SEMA5A: variants seen among roughly 807,000 people sequenced by gnomAD.
The protein encoded by SEMA5A is semaphorin 5A.
SEMA5A carries 55 observed loss-of-function variants against 135.5 expected under a neutral mutation model. The ratio of observed to expected loss-of-function variants is 0.41; its 90% CI spans 0.33 to 0.51. The LOEUF (loss-of-function observed/expected upper bound fraction) is 0.51. SEMA5A is among the 20% of genes least tolerant of loss of function. SEMA5A has a pLI of 0.37. For missense variants in SEMA5A, 1,290 were observed against 1,419.9 expected, an observed-to-expected ratio of 0.91 and a Z score of 1.47; for synonymous variants, 580 against 546.5, an observed-to-expected ratio of 1.06 and a Z score of -0.85.
intron 1 of SEMA5A, among the ~76,000 whole-genome samples, chr5:9,511,056 A>G (rs1423440973): frequency 6.6e-6 from 1 of 152,200 alleles, no homozygotes; most frequent in Admixed American, 6.5e-5. Context: ...TATCTAGTGT[A>G]CCAGAAATTT....
intron 5 of SEMA5A, among the ~76,000 whole-genome samples, chr5:9,300,871 G>A (rs7732339): frequency 0.044 from 6,630 of 152,272 alleles, 164 homozygotes; most frequent in Admixed American, 0.052. Flanking sequence ...TGGAAAAGGC[G>A]ATGAAGCTTT....
chr5:9,444,624 A>G, intron 1 of SEMA5A, among the ~76,000 whole-genome samples: 1 of 152,148 alleles, frequency 6.6e-6, no homozygotes, highest in East Asian at 1.9e-4. Context: ...ACATTTTTGC[A>G]ATTGCGAACT....
intron 3 of SEMA5A, among the ~76,000 whole-genome samples, chr5:9,357,979 A>G (rs1301279898): frequency 2.6e-5 from 4 of 152,200 alleles, no homozygotes; most frequent in African/African-American, 7.2e-5. Context: ...CAACTAAGAA[A>G]CAGGGATTGT....
chr5:9,275,557 C>T (rs756075114), intron 5 of SEMA5A, among the ~76,000 whole-genome samples: 2 of 152,132 alleles, frequency 1.3e-5, no homozygotes, highest in African/African-American at 4.8e-5. Context: ...GCCAATATCC[C>T]TGATGATCAT....
At chr5:9,108,914 G>C (rs1366415144) in intron 15 of SEMA5A, among the ~76,000 whole-genome samples, 1 of 149,950 alleles carries the variant, frequency 6.7e-6, no homozygotes, top group Non-Finnish European at 1.5e-5. Flanking sequence ...ACAAATATTA[G>C]TTCTATTTTT....
chr5:9,369,687 C>T (rs1034896532), intron 3 of SEMA5A, among the ~76,000 whole-genome samples: 2 of 151,878 alleles, frequency 1.3e-5, no homozygotes, highest in African/African-American at 4.8e-5. Context: ...TCTCTGCTTT[C>T]TGTTCATTGC....
intron 15 of SEMA5A, among the ~76,000 whole-genome samples, chr5:9,113,834 T>A (rs1740371994): frequency 6.6e-6 from 1 of 152,196 alleles, no homozygotes; most frequent in Non-Finnish European, 1.5e-5. Context: ...GGAACTCTCA[T>A]GCGTTGCTGT....
chr5:9,353,270 GA>G (rs1754269828), intron 3 of SEMA5A, among the ~76,000 whole-genome samples: 2 of 142,134 alleles, frequency 1.4e-5, no homozygotes, highest in Admixed American at 7.1e-5. Flanking sequence ...GGAAGCAAAG[GA>G]AAGGAAAGGA....
chr5:9,123,992 G>A (rs781318451), intron 13 of SEMA5A, among the ~76,000 whole-genome samples: 48 of 152,168 alleles, frequency 3.2e-4, no homozygotes, highest in Non-Finnish European at 6.2e-4. Flanking sequence ...AAAGAGCCAA[G>A]TAGAGGGGCT....
intron 9 of SEMA5A, among the ~76,000 whole-genome samples, chr5:9,200,299 C>A (rs1652373890): frequency 1.3e-5 from 2 of 152,192 alleles, no homozygotes; most frequent in African/African-American, 4.8e-5. Context: ...TTGCAACTAT[C>A]TAAATTGACC....
At chr5:9,158,508 A>T (rs1202899194) in intron 11 of SEMA5A, among the ~76,000 whole-genome samples, 1 of 35,862 alleles carries the variant, frequency 2.8e-5, no homozygotes, top group East Asian at 4.3e-4. Context: ...AACAAGTAAA[A>T]AAAAAAAAAA....
chr5:9,084,069 A>T (rs1026417123), intron 16 of SEMA5A, among the ~76,000 whole-genome samples: 4 of 152,230 alleles, frequency 2.6e-5, no homozygotes, highest in African/African-American at 7.2e-5. Context: ...AGCCCCTTTA[A>T]TAAAAGTTGA....
chr5:9,327,394 AT>A (rs1204163872), intron 4 of SEMA5A, among the ~76,000 whole-genome samples: 5 of 152,176 alleles, frequency 3.3e-5, no homozygotes, highest in Admixed American at 1.3e-4. Context: ...TTCTCCCAGA[AT>A]CATATTAACT....
At chr5:9,426,278 A>G (rs1757644654) in intron 2 of SEMA5A, among the ~76,000 whole-genome samples, 1 of 151,828 alleles carries the variant, frequency 6.6e-6, no homozygotes, top group Admixed American at 6.6e-5. Flanking sequence ...ACAAAAAATT[A>G]GCCTGGCGCG....
chr5:9,181,441 C>G (rs917457401), intron 11 of SEMA5A, among the ~76,000 whole-genome samples: 1 of 152,166 alleles, frequency 6.6e-6, no homozygotes, highest in Non-Finnish European at 1.5e-5. Flanking sequence ...AGAAACTATT[C>G]TGTTGTTGCC....
chr5:9,187,190 GGACATAAA>G (rs1297632388), intron 11 of SEMA5A, among the ~76,000 whole-genome samples: 3 of 151,342 alleles, frequency 2.0e-5, no homozygotes, highest in African/African-American at 7.3e-5. Context: ...TCAATTCCTT[GGACATAAA>G]GACTGTATGT....
intron 11 of SEMA5A, among the ~76,000 whole-genome samples, chr5:9,155,173 G>A (rs2285971): frequency 4.6e-5 from 7 of 152,174 alleles, no homozygotes; most frequent in East Asian, 1.9e-4. Context: ...TTCCTGCCAC[G>A]AGAAGTACAC....
At chr5:9,538,136 G>C (rs2126372619) in intron 1 of SEMA5A, among the ~76,000 whole-genome samples, 1 of 152,324 alleles carries the variant, frequency 6.6e-6, no homozygotes, top group East Asian at 1.9e-4. Flanking sequence ...AACAGTGGAA[G>C]AGCAAGGAAA....
At chr5:9,419,349 T>C (rs1028236796) in intron 2 of SEMA5A, among the ~76,000 whole-genome samples, 2 of 152,130 alleles carry the variant, frequency 1.3e-5, no homozygotes, top group East Asian at 3.9e-4. Flanking sequence ...TCTGCGGTTG[T>C]TGGGTGGAGT....
Sources: allele counts gnomAD v4.1 joint callset (sites outside exome capture counted in the v4.1 genomes callset), GRCh38; gene constraint gnomAD v4.1.1; transcripts MANE v1.5; gene names NCBI Gene and HGNC (gene_info 2026-07-23, HGNC 2026-07-21).